The following PRKG1 variants were observed in gnomAD, a reference collection of about 807,000 sequenced individuals.
The protein encoded by PRKG1 is protein kinase cGMP-dependent 1.
Under a neutral mutation model 88.1 loss-of-function variants are expected in PRKG1, and 35 were observed. The observed-to-expected ratio is 0.40, with a 90% CI of 0.30 to 0.53. The LOEUF (loss-of-function observed/expected upper bound fraction) is 0.53, where lower values mean the gene tolerates loss of function less well. PRKG1 is among the 20% of genes least tolerant of loss of function. The pLI is 0.59. For synonymous variants in PRKG1, 303 were observed against 292.5 expected, an observed-to-expected ratio of 1.04 and a Z score of -0.37; for missense variants, 540 against 839.8, an observed-to-expected ratio of 0.64 and a Z score of 4.41.
chr10:51,764,467 G>A (rs1838104273), intron 3 of PRKG1, among the ~76,000 whole-genome samples: 1 of 152,114 alleles, frequency 6.6e-6, no homozygotes, highest in Admixed American at 6.5e-5. Context: ...AAGTATCAAG[G>A]TCAATCTTGC....
intron 4 of PRKG1, among the ~76,000 whole-genome samples, chr10:51,877,167 G>A (rs980842964): frequency 6.6e-6 from 1 of 152,040 alleles, no homozygotes; most frequent in Non-Finnish European, 1.5e-5. Context: ...GAATTCCTGA[G>A]CTCAAGCAAT....
intron 9 of PRKG1, among the ~76,000 whole-genome samples, chr10:52,205,993 A>G (rs754736406): frequency 3.9e-4 from 59 of 152,162 alleles, no homozygotes; most frequent in Non-Finnish European, 5.4e-4. Flanking sequence ...GCCATGAATG[A>G]TTTCCTCTAA....
intron 10 of PRKG1, among the ~76,000 whole-genome samples, chr10:52,263,577 G>A (rs1841488604): frequency 6.9e-6 from 1 of 144,894 alleles, no homozygotes; most frequent in Admixed American, 6.8e-5. Flanking sequence ...CAATCTCCAG[G>A]ATTTTTTTTT....
intron 4 of PRKG1, among the ~76,000 whole-genome samples, chr10:51,866,528 C>T (rs1323249592): frequency 1.3e-5 from 2 of 151,980 alleles, no homozygotes; most frequent in Admixed American, 1.3e-4. Flanking sequence ...TTAAAAGAAA[C>T]AAATGAAATA....
At chr10:51,950,155 T>G (rs1196074214) in intron 5 of PRKG1, among the ~76,000 whole-genome samples, 2 of 152,256 alleles carry the variant, frequency 1.3e-5, no homozygotes, top group Admixed American at 1.3e-4. Flanking sequence ...GGCTTTCAAA[T>G]GTCACAATGC....
chr10:51,154,209 C>T (rs1846147710), intron 2 of PRKG1, among the ~76,000 whole-genome samples: 1 of 151,942 alleles, frequency 6.6e-6, no homozygotes, highest in African/African-American at 2.4e-5. Flanking sequence ...CTCTGTTTCA[C>T]CTAACCAATT....
chr10:51,979,757 T>G (rs983869701), intron 5 of PRKG1, among the ~76,000 whole-genome samples: 1 of 151,898 alleles, frequency 6.6e-6, no homozygotes, highest in Non-Finnish European at 1.5e-5. Context: ...TCCCATTTCT[T>G]CTAGATTTTC....
chr10:51,273,425 G>A (rs1379900290), intron 2 of PRKG1, among the ~76,000 whole-genome samples: 1 of 152,080 alleles, frequency 6.6e-6, no homozygotes, highest in Admixed American at 6.6e-5. Flanking sequence ...GAGAGGCTGA[G>A]AGGTGGGAGG....
intron 2 of PRKG1, among the ~76,000 whole-genome samples, chr10:51,236,329 A>G (rs565949998): frequency 6.6e-6 from 1 of 152,246 alleles, no homozygotes; most frequent in South Asian, 2.1e-4. Flanking sequence ...TTATTTTTAT[A>G]CACAGTGTAG....
chr10:50,995,420 A>T (rs1328208466), intron 1 of PRKG1, among the ~76,000 whole-genome samples: 4 of 152,236 alleles, frequency 2.6e-5, no homozygotes, highest in Non-Finnish European at 4.4e-5. Flanking sequence ...AAAAGAACAT[A>T]TCCGACTTAT....
intron 2 of PRKG1, among the ~76,000 whole-genome samples, chr10:51,453,710 T>C (rs1484854574): frequency 1.3e-5 from 2 of 151,974 alleles, no homozygotes; most frequent in Admixed American, 1.3e-4. Context: ...TTTATTGAGA[T>C]GTATTTTGTG....
intron 5 of PRKG1, among the ~76,000 whole-genome samples, chr10:52,048,544 A>G (rs540842354): frequency 6.6e-6 from 1 of 152,272 alleles, no homozygotes; most frequent in South Asian, 2.1e-4. Context: ...AACCACATCC[A>G]GTGTTGTAAT....
At chr10:51,449,932 G>A (rs1839386769) in intron 2 of PRKG1, among the ~76,000 whole-genome samples, 1 of 151,788 alleles carries the variant, frequency 6.6e-6, no homozygotes, top group Non-Finnish European at 1.5e-5. Context: ...TGTTTTTGAT[G>A]CGAATCAGTG....
chr10:51,198,129 G>A (rs1347943339), intron 2 of PRKG1, among the ~76,000 whole-genome samples: 3 of 152,140 alleles, frequency 2.0e-5, no homozygotes, highest in Admixed American at 6.5e-5. Flanking sequence ...CAAGTCAGTA[G>A]TCACAGTTTT....
At chr10:51,530,752 C>G (rs1841997752) in intron 3 of PRKG1, among the ~76,000 whole-genome samples, 1 of 152,212 alleles carries the variant, frequency 6.6e-6, no homozygotes, top group Admixed American at 6.5e-5. Flanking sequence ...CAAGAACCGT[C>G]CCTCTCTTCT....
intron 5 of PRKG1, among the ~76,000 whole-genome samples, chr10:51,970,045 CA>C (rs1564733442): frequency 0.018 from 1,583 of 86,692 alleles, 28 homozygotes; most frequent in African/African-American, 0.054. Context: ...CACACACACA[CA>C]CACACCCATA....
intron 2 of PRKG1, 102 bp from the exon 3 acceptor site, chr10:51,467,621 C>A: frequency 2.3e-6 from 2 of 857,816 alleles, no homozygotes; most frequent in Non-Finnish European, 1.8e-6. Context: ...TTGGTAACTG[C>A]ATTTTTACAA....
chr10:51,331,912 A>G (rs938367927), intron 2 of PRKG1, among the ~76,000 whole-genome samples: 23 of 152,224 alleles, frequency 1.5e-4, no homozygotes, highest in Admixed American at 1.4e-3. Context: ...GGGGAGCAAC[A>G]AAAAGGTCAT....
intron 2 of PRKG1, among the ~76,000 whole-genome samples, chr10:51,195,476 C>T (rs528270953): frequency 6.6e-6 from 1 of 152,080 alleles, no homozygotes; most frequent in African/African-American, 2.4e-5. Context: ...ACTTCAGAAA[C>T]AAGGTTGGTT....
Sources: gnomAD v4.1 joint callset for allele counts (sites outside exome capture counted in the v4.1 genomes callset) on GRCh38, gnomAD v4.1.1 for gene constraint, MANE v1.5 for transcripts, NCBI Gene and HGNC (gene_info 2026-07-23, HGNC 2026-07-21) for gene names.